MOB4: variants seen among roughly 807,000 people sequenced by gnomAD.
MOB4 encodes MOB family member 4, phocein.
In MOB4, 4 loss-of-function variants were observed where a neutral mutation model predicts 32.2. The ratio of observed to expected loss-of-function variants is 0.12; its 90% CI spans 0.06 to 0.28. MOB4 has a LOEUF of 0.28. Ranked by LOEUF, MOB4 falls within the 10% of genes least tolerant of loss-of-function variation. The pLI, the probability that MOB4 is intolerant of heterozygous loss-of-function variation, is 1.00. For missense variants in MOB4, 158 were observed against 271.2 expected (o/e 0.58, Z 2.93); for synonymous variants, 88 against 88.1 (o/e 1.00, Z 0.01).
At chr2:197,535,163 C>T (rs1242683196) in intron 2 of MOB4, among the ~76,000 whole-genome samples, 1 of 148,444 alleles carries the variant, frequency 6.7e-6, no homozygotes, top group African/African-American at 2.5e-5. Flanking sequence ...GTGGATATTG[C>T]AGTGATCTGA....
intron 5 of MOB4, among the ~76,000 whole-genome samples, chr2:197,545,972 T>C (rs1220097044): frequency 6.6e-6 from 1 of 152,228 alleles, no homozygotes. Context: ...ATCAATTACC[T>C]GCTGAAATGG....
intron 1 of MOB4, chr2:197,516,356 G>A: frequency 2.1e-6 from 3 of 1,422,724 alleles, no homozygotes; most frequent in Non-Finnish European, 2.8e-6. Context: ...CGACCCAGGG[G>A]TAGGCGTGAG....
chr2:197,531,295 C>T (rs562429894), intron 2 of MOB4, among the ~76,000 whole-genome samples: 2 of 151,978 alleles, frequency 1.3e-5, no homozygotes, highest in Admixed American at 1.3e-4. Flanking sequence ...CCACCCACCT[C>T]GGCCTCCCAA....
At chr2:197,522,557 C>T (rs2086540805) in intron 1 of MOB4, among the ~76,000 whole-genome samples, 1 of 151,752 alleles carries the variant, frequency 6.6e-6, no homozygotes, top group Non-Finnish European at 1.5e-5. Context: ...TCTCGAACTC[C>T]TGACCTCAAG....
At chr2:197,529,567 G>C (rs930143710) in intron 2 of MOB4, among the ~76,000 whole-genome samples, 2 of 151,980 alleles carry the variant, frequency 1.3e-5, no homozygotes, top group African/African-American at 4.8e-5. Context: ...GACCAGGCTG[G>C]TCTTGAACTC....
chr2:197,523,379 T>C (rs1385380771), intron 1 of MOB4, among the ~76,000 whole-genome samples: 2 of 152,236 alleles, frequency 1.3e-5, no homozygotes, highest in Non-Finnish European at 2.9e-5. Context: ...GATGATTGCT[T>C]ACACCCAGGA....
chr2:197,516,696 T>C (rs950256526), intron 1 of MOB4: 3 of 471,722 alleles, frequency 6.4e-6, no homozygotes, highest in Non-Finnish European at 1.3e-5. Flanking sequence ...TCCCTGCCGC[T>C]TTCCCTGGAG....
At chr2:197,528,661 G>C (rs1418576204) in intron 2 of MOB4, among the ~76,000 whole-genome samples, 1 of 146,904 alleles carries the variant, frequency 6.8e-6, no homozygotes, top group Non-Finnish European at 1.5e-5. Context: ...TGTCTCCCAG[G>C]CTGGAGTGCA....
At chr2:197,530,608 G>A (rs1472921694) in intron 2 of MOB4, among the ~76,000 whole-genome samples, 2 of 151,534 alleles carry the variant, frequency 1.3e-5, no homozygotes, top group Non-Finnish European at 2.9e-5. Context: ...AAATTCTCCT[G>A]GCTTCTTTAG....
At chr2:197,536,415 G>A (rs2086799325) in intron 3 of MOB4, among the ~76,000 whole-genome samples, 2 of 151,976 alleles carry the variant, frequency 1.3e-5, no homozygotes. Flanking sequence ...ATGTTGCCTA[G>A]GCTGGTCTCA....
chr2:197,527,168 C>CA (rs869229912), intron 2 of MOB4, among the ~76,000 whole-genome samples: 8 of 150,754 alleles, frequency 5.3e-5, no homozygotes, highest in Non-Finnish European at 8.9e-5. Context: ...TCCGTATCTG[C>CA]AAAAAAAAGG....
At chr2:197,533,214 G>A (rs1393385701) in intron 2 of MOB4, among the ~76,000 whole-genome samples, 2 of 152,214 alleles carry the variant, frequency 1.3e-5, no homozygotes, top group Non-Finnish European at 2.9e-5. Context: ...ATTGGATGGA[G>A]TTCTGTGAGG....
chr2:197,519,078 T>TAG (rs1488897003), intron 1 of MOB4, among the ~76,000 whole-genome samples: 2 of 151,870 alleles, frequency 1.3e-5, no homozygotes, highest in Non-Finnish European at 2.9e-5. Context: ...GTATTTTTAG[T>TAG]AGAGATGGGG....
chr2:197,539,987 G>T, intron 3 of MOB4, 124 bp from the exon 4 acceptor site: 1 of 974,016 alleles, frequency 1.0e-6, no homozygotes, highest in Non-Finnish European at 1.5e-6. Context: ...CAGTTTAGGT[G>T]GTTTTGAGAA....
chr2:197,522,239 T>G (rs2086532738), intron 1 of MOB4, among the ~76,000 whole-genome samples: 1 of 151,440 alleles, frequency 6.6e-6, no homozygotes, highest in Admixed American at 6.6e-5. Context: ...ATTAAATTGG[T>G]TTTTACTATA....
At chr2:197,549,678 T>C (rs953346135) in intron 6 of MOB4, among the ~76,000 whole-genome samples, 12 of 151,652 alleles carry the variant, frequency 7.9e-5, no homozygotes, top group African/African-American at 2.4e-4. Flanking sequence ...GCCTCATGAG[T>C]AGCTGGGATT....
intron 2 of MOB4, among the ~76,000 whole-genome samples, chr2:197,531,804 A>G (rs2086710325): frequency 6.6e-6 from 1 of 151,726 alleles, no homozygotes; most frequent in Non-Finnish European, 1.5e-5. Context: ...CGGCCTCCCA[A>G]AGTGCTAGGA....
rs60927398 is a variant in MOB4, at chr2:197,528,616, C to CT, written c.123+4947dup. 4.5e-3 allele frequency among the ~76,000 whole-genome samples: 593 copies of CT among 131,660 alleles called. 3 individuals are homozygous for CT. The highest frequency in any genetic ancestry group is 7.9e-3 in the Middle Eastern group (2 of 254). 86.4% of individuals were successfully genotyped at this position (131,660 alleles called of 152,430 possible). ...CAATTTTCTTTTTCTTTTTCTTTTT[C>CT]TTTTTTTTTTTTTTTTTGAGACGGA... is the stretch of plus-strand genomic sequence containing the variant. On this transcript the variant is annotated intron_variant, in intron 2 of 7. Transcript: ENST00000323303.
intron 2 of MOB4, chr2:197,534,026 A>C: frequency 2.2e-6 from 1 of 460,702 alleles, no homozygotes; most frequent in Non-Finnish European, 4.2e-6. Context: ...CTATCATGTC[A>C]CCATATCAAG....
Sources: gnomAD v4.1 joint callset for allele counts (sites outside exome capture counted in the v4.1 genomes callset) on GRCh38, gnomAD v4.1.1 for gene constraint, MANE v1.5 for transcripts, NCBI Gene and HGNC (gene_info 2026-07-23, HGNC 2026-07-21) for gene names.